SYNDIG1: variants seen among roughly 807,000 people sequenced by gnomAD.
SYNDIG1 encodes the protein synapse differentiation-inducing gene protein 1.
SYNDIG1 carries 9 observed loss-of-function variants against 19.4 expected under a neutral mutation model. The observed-to-expected ratio is 0.46, with a 90% CI of 0.28 to 0.81. The LOEUF (loss-of-function observed/expected upper bound fraction) is 0.81, where lower values mean the gene tolerates loss of function less well. Ranked by LOEUF, SYNDIG1 falls within the 30% of genes least tolerant of loss-of-function variation. The pLI, the probability that SYNDIG1 is intolerant of heterozygous loss-of-function variation, is 0.12. For synonymous variants in SYNDIG1, 141 were observed against 145.9 expected, an observed-to-expected ratio of 0.97 and a Z score of 0.24; for missense variants, 311 against 343.3, an observed-to-expected ratio of 0.91 and a Z score of 0.74.
At chr20:24,596,260 A>G (rs1487910827) in intron 3 of SYNDIG1, among the ~76,000 whole-genome samples, 1 of 152,200 alleles carries the variant, frequency 6.6e-6, no homozygotes, top group East Asian at 1.9e-4. Flanking sequence ...ATATAAGTGT[A>G]TGGTTTTAAG....
intron 1 of SYNDIG1, among the ~76,000 whole-genome samples, chr20:24,537,123 C>T (rs1209052467): frequency 2.6e-5 from 4 of 152,096 alleles, no homozygotes; most frequent in Admixed American, 1.3e-4. Flanking sequence ...AAATGAGACC[C>T]GCCCCTCCTA....
chr20:24,545,211 A>G (rs2057552303), intron 2 of SYNDIG1, among the ~76,000 whole-genome samples: 2 of 152,054 alleles, frequency 1.3e-5, no homozygotes, highest in South Asian at 4.1e-4. Flanking sequence ...GGAGCCCGGG[A>G]AGCCCACTGG....
chr20:24,517,490 G>T (rs2056900494), intron 1 of SYNDIG1, among the ~76,000 whole-genome samples: 1 of 149,160 alleles, frequency 6.7e-6, no homozygotes, highest in African/African-American at 2.4e-5. Flanking sequence ...ATGTTTGCAG[G>T]CTCCTGTAGT....
chr20:24,613,586 T>C (rs1006494078), intron 3 of SYNDIG1, among the ~76,000 whole-genome samples: 1 of 152,010 alleles, frequency 6.6e-6, no homozygotes, highest in African/African-American at 2.4e-5. Flanking sequence ...CCCCCTGCCT[T>C]GGCACCTCCA....
intron 2 of SYNDIG1, among the ~76,000 whole-genome samples, chr20:24,582,779 T>G (rs1228765271): frequency 6.6e-6 from 1 of 152,192 alleles, no homozygotes; most frequent in Non-Finnish European, 1.5e-5. Context: ...AAGAGAAATC[T>G]CACAAGCCTG....
Position 24,608,934 on chromosome 20 carries a change from G to C in SYNDIG1, c.618+23941G>C, listed in dbSNP as rs556544200. The stretch of plus-strand genomic sequence containing the variant: ...TGGAGGACAGTAATTTTGTGTGTCT[G>C]GACTCACATGTATGTTGGTGCAAGC... On this transcript the variant is annotated intron_variant, in intron 3 of 3. Coordinates refer to ENST00000376862, the MANE Select transcript of SYNDIG1 (RefSeq NM_024893.3). Among the ~76,000 whole-genome samples the C allele has an allele frequency of 6.6e-5, 10 of 152,268 alleles. No homozygotes were observed. The East Asian group carries it at 1.9e-3, about 29-fold the overall frequency.
chr20:24,607,781 G>T (rs1276160144), intron 3 of SYNDIG1, among the ~76,000 whole-genome samples: 1 of 152,176 alleles, frequency 6.6e-6, no homozygotes, highest in Non-Finnish European at 1.5e-5. Flanking sequence ...CTTTTTAGGT[G>T]TACTCCATTT....
chr20:24,654,083 A>T (rs1158586941), intron 3 of SYNDIG1, among the ~76,000 whole-genome samples: 1 of 152,228 alleles, frequency 6.6e-6, no homozygotes, highest in African/African-American at 2.4e-5. Flanking sequence ...ATGCTGTTGT[A>T]CAGAAGCTAA....
chr20:24,620,814 T>C (rs548611768), intron 3 of SYNDIG1, among the ~76,000 whole-genome samples: 6 of 152,366 alleles, frequency 3.9e-5, no homozygotes, highest in Admixed American at 1.3e-4. Context: ...GACGGAACAA[T>C]TGTTTTCCTA....
At chr20:24,499,790 T>C (rs1447284256) in intron 1 of SYNDIG1, among the ~76,000 whole-genome samples, 1 of 152,138 alleles carries the variant, frequency 6.6e-6, no homozygotes, top group Non-Finnish European at 1.5e-5. Context: ...GTGAACACGC[T>C]CCCATCATGT....
intron 1 of SYNDIG1, among the ~76,000 whole-genome samples, chr20:24,529,983 G>GTATTCC (rs1555792469): frequency 2.7e-5 from 4 of 146,582 alleles, no homozygotes; most frequent in South Asian, 2.6e-4. Flanking sequence ...GGTGATGGTG[G>GTATTCC]TGGTGATGGT....
At chr20:24,580,575 A>G (rs552275352) in intron 2 of SYNDIG1, among the ~76,000 whole-genome samples, 1 of 151,984 alleles carries the variant, frequency 6.6e-6, no homozygotes, top group East Asian at 1.9e-4. Context: ...AAGCTCAGCT[A>G]TTTATATTTT....
At chr20:24,480,573 C>T (rs575580927) in intron 1 of SYNDIG1, among the ~76,000 whole-genome samples, 1 of 152,286 alleles carries the variant, frequency 6.6e-6, no homozygotes, top group African/African-American at 2.4e-5. Context: ...GGAGGTTCCT[C>T]AGAAACACTA....
rs373881465 is a variant in SYNDIG1 at position 24,666,552 on chromosome 20, G to A, written c.*1048G>A. ...ATACCATTTCATTGCTGTTTTACGA[G>A]TGTTCATTACTTAACAAAAAATTAT... On this transcript the variant is annotated 3_prime_UTR_variant, in exon 4 of 4. Coordinates refer to ENST00000376862, the MANE Select transcript of SYNDIG1 (RefSeq NM_024893.3). 71 of 152,752 alleles carry A rather than the reference G, an allele frequency of 4.6e-4. No homozygotes were observed. Among genetic ancestry groups the A allele is most frequent in the African/African-American group, 1.6e-3 (67 of 41,570 alleles). 9.5% of individuals were successfully genotyped at this position (152,752 alleles called of 1,614,324 possible).
intron 1 of SYNDIG1, among the ~76,000 whole-genome samples, chr20:24,504,702 C>T (rs184906340): frequency 1.3e-5 from 2 of 152,280 alleles, no homozygotes; most frequent in Admixed American, 1.3e-4. Flanking sequence ...AGGCCAGTCA[C>T]GAGGGAACAT....
intron 2 of SYNDIG1, among the ~76,000 whole-genome samples, chr20:24,558,534 C>T (rs6106903): frequency 0.01 from 1,598 of 152,218 alleles, 29 homozygotes; most frequent in African/African-American, 0.035. Flanking sequence ...ACCATAATTT[C>T]GATGATTGGA....
At chr20:24,585,562 T>A (rs552394673) in intron 3 of SYNDIG1, among the ~76,000 whole-genome samples, 5 of 152,132 alleles carry the variant, frequency 3.3e-5, no homozygotes, top group Non-Finnish European at 5.9e-5. Flanking sequence ...CTTCTAAAGG[T>A]TTCGATTCCC....
intron 1 of SYNDIG1, among the ~76,000 whole-genome samples, chr20:24,529,532 G>T (rs942572155): frequency 6.6e-6 from 1 of 152,182 alleles, no homozygotes; most frequent in Non-Finnish European, 1.5e-5. Context: ...ATGGTTGTGG[G>T]TGTAGTCCAA....
intron 1 of SYNDIG1, among the ~76,000 whole-genome samples, chr20:24,538,438 T>A (rs568448948): frequency 7.5e-6 from 1 of 133,942 alleles, no homozygotes; most frequent in African/African-American, 2.7e-5. Flanking sequence ...GAGAATTCCC[T>A]TCCTTTTTTA....
Sources: gnomAD v4.1 joint callset for allele counts (sites outside exome capture counted in the v4.1 genomes callset) on GRCh38, gnomAD v4.1.1 for gene constraint, MANE v1.5 for transcripts, NCBI Gene and HGNC (gene_info 2026-07-23, HGNC 2026-07-21) for gene names.